The following TGFBR1 variants were observed in gnomAD, a reference collection of about 807,000 sequenced individuals.
The protein encoded by TGFBR1 is TGF-beta receptor type-1.
In TGFBR1, 20 loss-of-function variants were observed where a neutral mutation model predicts 55.1. The ratio of observed to expected loss-of-function variants is 0.36; its 90% CI spans 0.26 to 0.53. TGFBR1 has a LOEUF of 0.53. TGFBR1 is among the 20% of genes least tolerant of loss of function. The probability of loss-of-function intolerance (pLI) is 0.91; values close to 1 mark genes in which losing one functional copy is unlikely to be tolerated. For missense variants in TGFBR1, 385 were observed against 617.6 expected (o/e 0.62, Z 3.99); for synonymous variants, 220 against 214.8 (o/e 1.02, Z -0.21).
intron 1 of TGFBR1, among the ~76,000 whole-genome samples, chr9:99,107,052 G>A (rs375244125): frequency 1.3e-5 from 2 of 152,264 alleles, no homozygotes; most frequent in Admixed American, 6.5e-5. Flanking sequence ...CACAAGAAGC[G>A]TTCATGTATT....
chr9:99,140,218 A>C (rs1276321386), intron 4 of TGFBR1, among the ~76,000 whole-genome samples: 3 of 152,230 alleles, frequency 2.0e-5, no homozygotes, highest in Admixed American at 6.5e-5. Context: ...TGGGAAGCCA[A>C]GGTGGGTGGA....
Position 99,137,873 on chromosome 9 carries a change from G to A in TGFBR1, c.589G>A (p.Val197Ile). The change falls in exon 4 of 9, where the codon GTT (valine) becomes ATT (isoleucine). Residue 197 changes from valine to isoleucine, a missense_variant. Physicochemically the swap from Val to Ile is conservative, Grantham distance 29 (BLOSUM62 3). Transcript: ENST00000374994. ...SGSGSGLPLL[V>I]QRTIARTIVL... is the part of the protein sequence containing the mutation. The stretch of plus-strand genomic sequence containing the variant: ...TTTACCTTTAGGTTTACCATTGCTT[G>A]TTCAGAGAACAATTGCGAGAACTAT... The A allele has an allele frequency of 1.2e-6, 2 of 1,613,852 alleles. No individual in the cohort carries two copies. The highest frequency in any genetic ancestry group is 1.7e-6 in the Non-Finnish European group (2 of 1,179,832).
intron 1 of TGFBR1, among the ~76,000 whole-genome samples, chr9:99,112,629 A>AGCTGTAAAGAGGTGTAGGTCTTAGCT (rs1305409764): frequency 6.6e-6 from 1 of 152,210 alleles, no homozygotes; most frequent in Non-Finnish European, 1.5e-5. Context: ...GTTGAGTGGC[A>AGCTGTAAAGAGGTGTAGGTCTTAGCT]GTAGGTCTTA....
intron 1 of TGFBR1, chr9:99,127,736 C>T (rs1827080808): frequency 5.6e-6 from 2 of 357,020 alleles, no homozygotes; most frequent in Non-Finnish European, 1.1e-5. Flanking sequence ...ATGGCCATTC[C>T]GTGTACCTAG....
chr9:99,138,869 C>CT (rs941111063), intron 4 of TGFBR1, among the ~76,000 whole-genome samples: 4 of 151,992 alleles, frequency 2.6e-5, no homozygotes, highest in African/African-American at 9.7e-5. Context: ...GCAATCTCGG[C>CT]TCACTGCAGC....
rs1482587748 is a variant in TGFBR1 at position 99,149,324 on chromosome 9, ACT to A, written c.*23_*24del. ...AATGTAATTCTACAGCTTTGCCTGA[ACT>A]CTCCTTTTTTCTTCAGATCTGCTCC... On this transcript the variant is annotated 3_prime_UTR_variant, in exon 9 of 9. Transcript: ENST00000374994. 1.2e-6 allele frequency: 2 copies of A among 1,613,096 alleles called. No individual in the cohort carries two copies. The highest frequency in any genetic ancestry group is 8.5e-7 in the Non-Finnish European group (1 of 1,179,482).
chr9:99,104,699 AG>A (rs1826345971), upstream of TGFBR1, among the ~76,000 whole-genome samples: 1 of 152,186 alleles, frequency 6.6e-6, no homozygotes, highest in Non-Finnish European at 1.5e-5. Flanking sequence ...GGGCTGAGGC[AG>A]TACCAGATCT....
At chr9:99,135,599 T>TGCATATG (rs1827411670) in intron 3 of TGFBR1, among the ~76,000 whole-genome samples, 1 of 152,226 alleles carries the variant, frequency 6.6e-6, no homozygotes, top group Admixed American at 6.5e-5. Flanking sequence ...TGTGCACATG[T>TGCATATG]GCATATGTGC....
At chr9:99,112,186 A>C (rs1448879438) in intron 1 of TGFBR1, among the ~76,000 whole-genome samples, 1 of 152,188 alleles carries the variant, frequency 6.6e-6, no homozygotes, top group African/African-American at 2.4e-5. Context: ...CAGGGTGGCT[A>C]CCCAGTTGGT....
intron 4 of TGFBR1, among the ~76,000 whole-genome samples, chr9:99,140,466 C>A (rs542083015): frequency 6.6e-6 from 1 of 151,194 alleles, no homozygotes; most frequent in East Asian, 1.9e-4. Context: ...AAAAAAAAAA[C>A]AACAACAAAA....
At chr9:99,117,736 A>G (rs918997312) in intron 1 of TGFBR1, among the ~76,000 whole-genome samples, 2 of 152,130 alleles carry the variant, frequency 1.3e-5, no homozygotes, top group African/African-American at 4.8e-5. Flanking sequence ...TGTCTTAATT[A>G]TTATGATGTT....
chr9:99,125,983 G>C (rs1006174377), intron 1 of TGFBR1, among the ~76,000 whole-genome samples: 1 of 152,140 alleles, frequency 6.6e-6, no homozygotes, highest in Non-Finnish European at 1.5e-5. Context: ...AGATTGATTT[G>C]TGCTGTTCTA....
intron 2 of TGFBR1, among the ~76,000 whole-genome samples, chr9:99,130,169 A>G (rs1253395980): frequency 6.6e-6 from 1 of 152,198 alleles, no homozygotes; most frequent in African/African-American, 2.4e-5. Context: ...CCAGACTAGT[A>G]AAGAATTGAC....
At chr9:99,118,986 G>A (rs1277604522) in intron 1 of TGFBR1, among the ~76,000 whole-genome samples, 1 of 152,026 alleles carries the variant, frequency 6.6e-6, no homozygotes. Flanking sequence ...TCAGTGGTGT[G>A]TTCTCTGCAT....
intron 8 of TGFBR1, 33 bp downstream of exon 8, chr9:99,147,817 C>A: frequency 6.2e-7 from 1 of 1,612,842 alleles, no homozygotes; most frequent in Non-Finnish European, 8.5e-7. Flanking sequence ...AGGCAATTTT[C>A]TAAACTGCTT....
intron 2 of TGFBR1, 37 bp from the exon 3 acceptor site, chr9:99,132,472 G>T (rs373108672): frequency 1.2e-6 from 2 of 1,611,764 alleles, no homozygotes; most frequent in Non-Finnish European, 1.7e-6. Flanking sequence ...TGTTTTTGTC[G>T]TTGTTGATGT....
Position 99,132,602 on chromosome 9 carries a change from A to G in TGFBR1, c.437A>G (p.Tyr146Cys). The stretch of plus-strand genomic sequence containing the variant: ...TGCATCTCACTCATGTTGATGGTCT[A>G]TATCTGCCACAACCGCACTGTCATT... ...FVCISLMLMV[Y>C]ICHNRTVIHH... Residue 146 changes from tyrosine to cysteine, a missense_variant, in exon 3 of 9, where the codon TAT becomes TGT. Physicochemically the swap from Tyr to Cys is radical, Grantham distance 194 (BLOSUM62 -2). Transcript: ENST00000374994. The G allele has an allele frequency of 1.9e-6, 3 of 1,614,156 alleles. No individual in the cohort carries two copies. Among genetic ancestry groups the G allele is most frequent in the South Asian group, 1.1e-5 (1 of 91,088 alleles).
chr9:99,137,402 A>G (rs943407339), intron 3 of TGFBR1, among the ~76,000 whole-genome samples: 4 of 152,182 alleles, frequency 2.6e-5, no homozygotes, highest in African/African-American at 7.2e-5. Context: ...TCTTTTACCT[A>G]AAGCTCTTCA....
At position 99,106,578 on chromosome 9, in the gene TGFBR1, T is replaced by G. The variant is rs531641864; in HGVS notation, c.97+1276T>G. Among the ~76,000 whole-genome samples, 6 of 152,046 alleles carry G rather than the reference T, an allele frequency of 3.9e-5. No homozygotes were observed. In the South Asian group the frequency reaches 1.2e-3, roughly 32 times the overall value. On this transcript the variant is annotated intron_variant, in intron 1 of 8. Coordinates refer to ENST00000374994, the MANE Select transcript of TGFBR1 (RefSeq NM_004612.4). Reference sequence around the variant, plus strand: ...ATCACCACAAGTAAACTCCCAGGAGTAGTGGCATTTGCCCCACTTTACAGA... The same window carrying G: ...ATCACCACAAGTAAACTCCCAGGAGGAGTGGCATTTGCCCCACTTTACAGA...
Sources: allele counts gnomAD v4.1 joint callset (sites outside exome capture counted in the v4.1 genomes callset), GRCh38; gene constraint gnomAD v4.1.1; transcripts MANE v1.5; gene names NCBI Gene and HGNC (gene_info 2026-07-23, HGNC 2026-07-21).